HS6ST3: variants seen among roughly 807,000 people sequenced by gnomAD.
HS6ST3 encodes the protein heparan sulfate 6-O-sulfotransferase 3, also known as heparan-sulfate 6-O-sulfotransferase 3.
A neutral mutation model predicts 36.7 loss-of-function variants in HS6ST3; 12 were observed. The ratio of observed to expected loss-of-function variants is 0.33; its 90% CI spans 0.21 to 0.53. The LOEUF is 0.53. Among genes scored for constraint, HS6ST3 ranks in the 20% least tolerant of loss-of-function variants. HS6ST3 has a pLI of 0.95. For synonymous variants in HS6ST3, 240 were observed against 257.5 expected (o/e 0.93, Z 0.65); for missense variants, 584 against 640.9 (o/e 0.91, Z 0.96).
At chr13:96,333,111 T>TA (rs1566328224) in intron 1 of HS6ST3, among the ~76,000 whole-genome samples, 2 of 152,222 alleles carry the variant, frequency 1.3e-5, no homozygotes, top group Non-Finnish European at 2.9e-5. Flanking sequence ...GAGATTTTGT[T>TA]ATAGCAGTGC....
intron 1 of HS6ST3, among the ~76,000 whole-genome samples, chr13:96,664,825 G>A (rs1319094500): frequency 6.6e-6 from 1 of 152,012 alleles, no homozygotes; most frequent in Non-Finnish European, 1.5e-5. Flanking sequence ...TAACTCTACT[G>A]TATCTTAAAT....
intron 1 of HS6ST3, among the ~76,000 whole-genome samples, chr13:96,557,810 A>C (rs531690472): frequency 1.3e-5 from 2 of 152,302 alleles, no homozygotes; most frequent in African/African-American, 4.8e-5. Context: ...AGAATAAGAC[A>C]GTGATTAGAG....
intron 1 of HS6ST3, among the ~76,000 whole-genome samples, chr13:96,742,009 C>T (rs1036417252): frequency 1.3e-5 from 2 of 152,118 alleles, no homozygotes; most frequent in Non-Finnish European, 2.9e-5. Flanking sequence ...CTCTGCAAGC[C>T]AGATTAGGCT....
intron 1 of HS6ST3, among the ~76,000 whole-genome samples, chr13:96,154,617 A>G (rs1343384799): frequency 6.6e-6 from 1 of 152,168 alleles, no homozygotes; most frequent in Non-Finnish European, 1.5e-5. Context: ...AAGAAGCTTT[A>G]ATAGATGAAC....
chr13:96,428,371 G>A (rs915858786), intron 1 of HS6ST3, among the ~76,000 whole-genome samples: 1 of 152,084 alleles, frequency 6.6e-6, no homozygotes, highest in Non-Finnish European at 1.5e-5. Context: ...AAAGTATCAC[G>A]GACTGGGTGG....
intron 1 of HS6ST3, among the ~76,000 whole-genome samples, chr13:96,302,502 A>C (rs1034535801): frequency 3.3e-5 from 5 of 152,266 alleles, no homozygotes; most frequent in African/African-American, 1.2e-4. Flanking sequence ...ATTGTTGAAT[A>C]AATAATTCAC....
intron 1 of HS6ST3, among the ~76,000 whole-genome samples, chr13:96,716,799 A>G (rs924218649): frequency 6.6e-6 from 1 of 152,224 alleles, no homozygotes; most frequent in South Asian, 2.1e-4. Context: ...CTTTTAAAAG[A>G]TAGCATACAG....
intron 1 of HS6ST3, among the ~76,000 whole-genome samples, chr13:96,414,252 GT>G (rs1199347167): frequency 1.3e-5 from 2 of 152,088 alleles, no homozygotes; most frequent in African/African-American, 4.8e-5. Context: ...TTTCATTGTG[GT>G]TTACTAAGTA....
chr13:96,137,040 C>A (rs1045447556), intron 1 of HS6ST3, among the ~76,000 whole-genome samples: 2 of 152,062 alleles, frequency 1.3e-5, no homozygotes, highest in African/African-American at 4.8e-5. Flanking sequence ...TGAAATATAA[C>A]TAATATATGA....
At chr13:96,366,448 CAAATAAAT>C (rs3086049) in intron 1 of HS6ST3, among the ~76,000 whole-genome samples, 5 of 148,548 alleles carry the variant, frequency 3.4e-5, no homozygotes, top group East Asian at 2.0e-4. Flanking sequence ...GACCTTGTCT[CAAATAAAT>C]AAATAAATAA....
chr13:96,673,273 AT>A (rs1393376622), intron 1 of HS6ST3, among the ~76,000 whole-genome samples: 2 of 152,140 alleles, frequency 1.3e-5, no homozygotes, highest in African/African-American at 4.8e-5. Flanking sequence ...TAATCTCCTC[AT>A]TTTGTGATTC....
intron 1 of HS6ST3, among the ~76,000 whole-genome samples, chr13:96,224,487 A>C (rs2054470903): frequency 6.6e-6 from 1 of 152,050 alleles, no homozygotes; most frequent in Non-Finnish European, 1.5e-5. Context: ...ATGCCTGGCT[A>C]ATTTTTTAAT....
chr13:96,376,181 AAAAT>A (rs2055313807), intron 1 of HS6ST3, among the ~76,000 whole-genome samples: 2 of 152,216 alleles, frequency 1.3e-5, no homozygotes. Flanking sequence ...TAAGTGAAGA[AAAAT>A]AAACTTGTCT....
chr13:96,422,951 G>A (rs192622523), intron 1 of HS6ST3, among the ~76,000 whole-genome samples: 2 of 152,092 alleles, frequency 1.3e-5, no homozygotes, highest in South Asian at 2.1e-4. Context: ...TTTAAATATG[G>A]ACATTGAAGG....
intron 1 of HS6ST3, among the ~76,000 whole-genome samples, chr13:96,582,198 TAAG>T (rs2056344493): frequency 6.6e-6 from 1 of 152,276 alleles, no homozygotes; most frequent in South Asian, 2.1e-4. Context: ...TGATACAGCC[TAAG>T]AAGGACAGGT....
At chr13:96,779,141 G>A (rs986288943) in intron 1 of HS6ST3, among the ~76,000 whole-genome samples, 7 of 152,006 alleles carry the variant, frequency 4.6e-5, no homozygotes, top group Admixed American at 3.3e-4. Flanking sequence ...GACACAGGGA[G>A]GGGAACATCA....
intron 1 of HS6ST3, among the ~76,000 whole-genome samples, chr13:96,720,092 T>G (rs1269391850): frequency 6.6e-6 from 1 of 152,162 alleles, no homozygotes; most frequent in Non-Finnish European, 1.5e-5. Flanking sequence ...CTTGCCTTCT[T>G]TTTTACTTCC....
intron 1 of HS6ST3, among the ~76,000 whole-genome samples, chr13:96,254,915 T>A (rs1012336625): frequency 6.6e-6 from 1 of 152,242 alleles, no homozygotes; most frequent in East Asian, 1.9e-4. Flanking sequence ...ACCTTGTGGC[T>A]TTCTCCATAG....
intron 1 of HS6ST3, among the ~76,000 whole-genome samples, chr13:96,701,977 A>G (rs1183655068): frequency 1.3e-5 from 2 of 152,114 alleles, no homozygotes; most frequent in East Asian, 3.9e-4. Context: ...GAAATGGCCT[A>G]TGAACAAAGG....
Sources: allele counts gnomAD v4.1 joint callset (sites outside exome capture counted in the v4.1 genomes callset), GRCh38; gene constraint gnomAD v4.1.1; transcripts MANE v1.5; gene names NCBI Gene and HGNC (gene_info 2026-07-23, HGNC 2026-07-21).